Variants in CDC23 observed in about 807,000 individuals in gnomAD.
The protein encoded by CDC23 is cell division cycle protein 23 homolog.
In CDC23, 26 loss-of-function variants were observed where a neutral mutation model predicts 81.7. The observed-to-expected ratio is 0.32, with a 90% CI of 0.23 to 0.44. CDC23 has a LOEUF of 0.44. Ranked by LOEUF, CDC23 falls within the 20% of genes least tolerant of loss-of-function variation. The pLI is 1.00. For synonymous variants in CDC23, 267 were observed against 270.8 expected, an observed-to-expected ratio of 0.99 and a Z score of 0.14; for missense variants, 519 against 728.0, an observed-to-expected ratio of 0.71 and a Z score of 3.30.
Position 138,188,131 on chromosome 5 carries a change from T to C in CDC23, c.*847A>G, listed in dbSNP as rs1184655441. The C allele has an allele frequency of 6.6e-6, 1 of 152,090 alleles. No homozygotes were observed. Among genetic ancestry groups the C allele is most frequent in the Admixed American group, 6.6e-5 (1 of 15,256 alleles). 9.4% of individuals were successfully genotyped at this position (152,090 alleles called of 1,614,324 possible). On this transcript the variant is annotated 3_prime_UTR_variant, in exon 16 of 16. Coordinates refer to ENST00000394886, the MANE Select transcript of CDC23 (RefSeq NM_004661.4). Reference sequence around the variant, plus strand: ...CTGTTGCAGATGGGAGGGAAAAAAATAGACAATTACGTTGAAAATTTATTA... The same window carrying C: ...CTGTTGCAGATGGGAGGGAAAAAAACAGACAATTACGTTGAAAATTTATTA...
intron 3 of CDC23, among the ~76,000 whole-genome samples, chr5:138,204,809 C>A (rs1440068790): frequency 1.3e-5 from 2 of 151,852 alleles, no homozygotes; most frequent in East Asian, 2.0e-4. Flanking sequence ...TTAGTAGAGA[C>A]GGGGTTTCAC....
intron 6 of CDC23, among the ~76,000 whole-genome samples, chr5:138,200,715 G>A (rs545600211): frequency 6.6e-6 from 1 of 152,232 alleles, no homozygotes; most frequent in African/African-American, 2.4e-5. Context: ...AGCTACTTGG[G>A]AGGCTGAGGC....
intron 9 of CDC23, among the ~76,000 whole-genome samples, chr5:138,195,774 G>GTATATATACATATATTTTATATGTGTA (rs1754896335): frequency 9.2e-6 from 1 of 108,900 alleles, no homozygotes; most frequent in Non-Finnish European, 1.8e-5. Flanking sequence ...TTATATATGT[G>GTATATATACATATATTTTATATGTGTA]TATATATACA....
chr5:138,213,262 C>A lies in CDC23; in HGVS notation c.51G>T (p.Ala17=). ...MVPVAVTAAV[A]PVLSINSDFS... is the part of the protein sequence containing the mutation. ...AATCGCTGTTTATGGACAGGACAGG[C>A]GCCACTGCCGCCGTCACAGCCACCG... The change falls in exon 1 of 16, where the codon GCG becomes GCT. Residue 17 remains alanine (A), a synonymous_variant. Coordinates refer to ENST00000394886, the MANE Select transcript of CDC23 (RefSeq NM_004661.4). The A allele has an allele frequency of 1.9e-6, 3 of 1,613,960 alleles. No individual in the cohort carries two copies. In the African/African-American group the frequency reaches 4.0e-5, roughly 22 times the overall value.
At chr5:138,193,787 G>C (rs537513453) in intron 9 of CDC23, among the ~76,000 whole-genome samples, 1 of 151,610 alleles carries the variant, frequency 6.6e-6, no homozygotes, top group South Asian at 2.1e-4. Context: ...GAAGAAACTC[G>C]GTCTCTACTA....
In CDC23 at chr5:138,198,646, T is replaced by C. The variant is rs924901111; in HGVS notation, c.791A>G (p.Tyr264Cys). The C allele has an allele frequency of 1.2e-6, 2 of 1,614,170 alleles. No individual in the cohort carries two copies. The highest frequency in any genetic ancestry group is 1.7e-6 in the Non-Finnish European group (2 of 1,180,024). Residue 264 changes from tyrosine to cysteine, a missense_variant, in exon 7 of 16, where the codon TAT (tyrosine) becomes TGT (cysteine). By Grantham distance (194) the Tyr-to-Cys change is radical. Around this residue, in one of 4 missense-constraint regions of CDC23, gnomAD observed 180 missense variants for 239.3 expected, o/e 0.75. Coordinates refer to ENST00000394886, the MANE Select transcript of CDC23 (RefSeq NM_004661.4). ...LIDVGFSKSS[Y>C]IVSQIAVAYH... ...GGCAACTGCAATTTGGGAAACAATA[T>C]ACGAGCTCTTAGAGAAGCCCACATC... is the stretch of plus-strand genomic sequence containing the variant.
At chr5:138,210,011 C>T (rs919122075) in intron 2 of CDC23, among the ~76,000 whole-genome samples, 3 of 149,728 alleles carry the variant, frequency 2.0e-5, no homozygotes, top group African/African-American at 4.9e-5. Flanking sequence ...GTCAGGAGTT[C>T]GAGACCAGCC....
At position 138,198,774 on chromosome 5, in the gene CDC23, G is replaced by C. The variant is rs374106677; in HGVS notation, c.663C>G (p.Phe221Leu). Residue 221 changes from phenylalanine to leucine, a missense_variant, in exon 7 of 16, where the codon TTC becomes TTG. Around this residue, in one of 4 missense-constraint regions of CDC23, gnomAD observed 180 missense variants for 239.3 expected, o/e 0.75. Transcript: ENST00000394886. ...TCATCCAGGTGTCTGGCAAAGACAGGAACTTCAGCTGGCAGCAGGAGAGAG... is the reference window on the plus strand; with the variant it reads ...TCATCCAGGTGTCTGGCAAAGACAGCAACTTCAGCTGGCAGCAGGAGAGAG... ...NLITDKEMLKFLSLPDTWMKE... is the reference protein window; with the variant it reads ...NLITDKEMLKLLSLPDTWMKE... 6.2e-7 allele frequency: 1 copy of C among 1,613,492 alleles called. No individual in the cohort carries two copies. Among genetic ancestry groups the C allele is most frequent in the African/African-American group, 1.3e-5 (1 of 74,868 alleles).
intron 2 of CDC23, 73 bp downstream of exon 2, chr5:138,212,918 G>T: frequency 7.9e-7 from 1 of 1,267,068 alleles, no homozygotes; most frequent in Non-Finnish European, 1.2e-6. Context: ...CTCCTCCAGT[G>T]ACAGGGCACT....
chr5:138,201,277 A>T, intron 5 of CDC23, 38 bp from the exon 6 acceptor site: 1 of 1,613,700 alleles, frequency 6.2e-7, no homozygotes, highest in Non-Finnish European at 8.5e-7. Context: ...AGTTAATGCT[A>T]TTTAATAGCT....
chr5:138,203,495 G>A (rs1462815188), intron 3 of CDC23, among the ~76,000 whole-genome samples: 5 of 152,154 alleles, frequency 3.3e-5, no homozygotes, highest in Admixed American at 6.6e-5. Context: ...TTCAAAAAAA[G>A]TCAATGTCAT....
rs1316700003 is a variant in CDC23 at position 138,189,219 on chromosome 5, T to C, written c.1624-71A>G. On this transcript the variant is annotated intron_variant, in intron 15 of 15. Coordinates refer to ENST00000394886, the MANE Select transcript of CDC23 (RefSeq NM_004661.4). ...TCTCGAAAACAAGTTATTAAGATGC[T>C]GTTAAACAAGTTCCACAGATCAAGG... 66 of 1,450,758 alleles carry C rather than the reference T, an allele frequency of 4.5e-5. 3 individuals carry two copies. The highest frequency in any genetic ancestry group is 3.7e-4 in the South Asian group (29 of 79,098). The allele number at this position is 1,450,758 out of a possible 1,614,324, so 89.9% of individuals were successfully genotyped here.
intron 6 of CDC23, among the ~76,000 whole-genome samples, chr5:138,200,170 C>T (rs147830516): frequency 7.9e-5 from 12 of 152,292 alleles, no homozygotes; most frequent in Admixed American, 4.6e-4. Flanking sequence ...TTCGCTCTTT[C>T]GCCCAGGCTA....
chr5:138,191,754 T>C (rs1754829451), intron 12 of CDC23, 108 bp downstream of exon 12: 3 of 1,007,558 alleles, frequency 3.0e-6, no homozygotes, highest in African/African-American at 1.6e-5. Flanking sequence ...ATTCAGACTT[T>C]CCTATGCACC....
chr5:138,201,051 C>T (rs778085504), intron 6 of CDC23, 56 bp downstream of exon 6: 9 of 1,592,568 alleles, frequency 5.7e-6, no homozygotes, highest in Non-Finnish European at 7.7e-6. Flanking sequence ...TATATTACTA[C>T]AGAATTACAA....
chr5:138,203,527 C>T (rs188489746), intron 3 of CDC23, among the ~76,000 whole-genome samples: 57 of 152,200 alleles, frequency 3.7e-4, no homozygotes, highest in African/African-American at 1.3e-3. Flanking sequence ...AAGGCTGTTT[C>T]AGATTAGCGG....
At position 138,213,222 on chromosome 5, in the gene CDC23, C is replaced by G; in HGVS notation, c.91G>C (p.Glu31Gln). Reference sequence around the variant, plus strand: ...ATAAGCAGCAGTTGCTTTTTAATTTCCCGCAAATCTGAGAAATCGCTGTTT... The same window carrying G: ...ATAAGCAGCAGTTGCTTTTTAATTTGCCGCAAATCTGAGAAATCGCTGTTT... ...SINSDFSDLREIKKQLLLIAG... is the reference protein window; with the variant it reads ...SINSDFSDLRQIKKQLLLIAG... Residue 31 changes from glutamate to glutamine, a missense_variant, in exon 1 of 16, where the codon GAA becomes CAA. Glu to Gln is a conservative substitution (Grantham distance 29). Coordinates refer to ENST00000394886, the MANE Select transcript of CDC23 (RefSeq NM_004661.4). The G allele has an allele frequency of 6.2e-7, 1 of 1,614,164 alleles. No homozygotes were observed. Among genetic ancestry groups the G allele is most frequent in the South Asian group, 1.1e-5 (1 of 91,078 alleles).
intron 15 of CDC23, 84 bp downstream of exon 15, chr5:138,189,549 T>C: frequency 7.1e-7 from 1 of 1,404,906 alleles, no homozygotes. Context: ...GTGAGCCGCT[T>C]GCCTGGCCAA....
rs769981399 is a variant in CDC23, at chr5:138,192,298, A to G, written c.1257T>C (p.Leu419=). 1 of 1,614,098 alleles carries G rather than the reference A, an allele frequency of 6.2e-7. No homozygotes were observed. Among genetic ancestry groups the G allele is most frequent in the East Asian group, 2.2e-5 (1 of 44,900 alleles). ...YEILKMPFYC[L]YYYRRAHQLR... is the part of the protein sequence containing the mutation. ...GCTGGTGGGCCCGTCTATAATAATA[A>G]AGGCAGTAAAATGGCATCTTAAGGA... The change falls in exon 11 of 16, where the codon CTT becomes CTC. Residue 419 remains leucine (L), a synonymous_variant. Coordinates refer to ENST00000394886, the MANE Select transcript of CDC23 (RefSeq NM_004661.4).
Sources: allele counts gnomAD v4.1 joint callset (sites outside exome capture counted in the v4.1 genomes callset), GRCh38; gene constraint gnomAD v4.1.1; regional missense constraint gnomAD v4.1.1; transcripts MANE v1.5; gene names NCBI Gene and HGNC (gene_info 2026-07-23, HGNC 2026-07-21).